Variants in CCDC38 observed in about 807,000 individuals in gnomAD.
CCDC38 encodes the protein coiled-coil domain-containing protein 38.
In CCDC38, 69 loss-of-function variants were observed where a neutral mutation model predicts 72.8. The ratio of observed to expected loss-of-function variants is 0.95; its 90% CI spans 0.78 to 1.16. The LOEUF (loss-of-function observed/expected upper bound fraction) is 1.16. CCDC38 is among the 50% of genes most tolerant of loss of function. CCDC38 has a pLI of 0.00. For synonymous variants in CCDC38, 201 were observed against 213.2 expected (o/e 0.94, Z 0.50); for missense variants, 626 against 638.9 (o/e 0.98, Z 0.22).
intron 10 of CCDC38, among the ~76,000 whole-genome samples, chr12:95,884,161 G>A (rs1265018635): frequency 1.3e-5 from 2 of 152,150 alleles, no homozygotes; most frequent in Non-Finnish European, 2.9e-5. Flanking sequence ...ATGTGCAAAT[G>A]ACATAATGGT....
At chr12:95,940,061 T>C (rs2080432514) in intron 1 of CCDC38, among the ~76,000 whole-genome samples, 1 of 152,204 alleles carries the variant, frequency 6.6e-6, no homozygotes, top group East Asian at 1.9e-4. Flanking sequence ...GCAAAGTGCC[T>C]GCTCATAGTA....
intron 5 of CCDC38, among the ~76,000 whole-genome samples, chr12:95,899,609 T>C (rs1454616388): frequency 6.6e-6 from 1 of 152,178 alleles, no homozygotes; most frequent in East Asian, 1.9e-4. Flanking sequence ...CTATTTGGGT[T>C]TTTAATACCA....
At position 95,911,182 on chromosome 12, in the gene CCDC38, C is replaced by A. The variant is rs1389950598; in HGVS notation, c.305-4731G>T. 2.6e-5 allele frequency among the ~76,000 whole-genome samples: 4 copies of A among 152,192 alleles called. No homozygotes were observed. In the South Asian group the frequency reaches 8.3e-4, roughly 32 times the overall value. ...AATGGTGCAGGGAAAACTGGCTAGCCATATGCAGAAGAATGAAACTAGATC... is the reference window on the plus strand; with the variant it reads ...AATGGTGCAGGGAAAACTGGCTAGCAATATGCAGAAGAATGAAACTAGATC... On this transcript the variant is annotated intron_variant, in intron 4 of 15. Coordinates refer to ENST00000344280, the MANE Select transcript of CCDC38 (RefSeq NM_182496.3).
intron 2 of CCDC38, chr12:95,935,498 C>G (rs1303749324): frequency 3.4e-6 from 1 of 297,634 alleles, no homozygotes; most frequent in Non-Finnish European, 7.0e-6. Context: ...ATGTGAACCT[C>G]CATATGGAAT....
intron 5 of CCDC38, among the ~76,000 whole-genome samples, chr12:95,899,878 A>G (rs1289832014): frequency 6.6e-6 from 1 of 152,070 alleles, no homozygotes; most frequent in Non-Finnish European, 1.5e-5. Flanking sequence ...ATTCTAGAAG[A>G]GGAAGGAAGC....
chr12:95,935,476 G>T (rs1401675710), intron 2 of CCDC38: 2 of 251,632 alleles, frequency 7.9e-6, no homozygotes, highest in Non-Finnish European at 1.7e-5. Flanking sequence ...GCCAGAAGGA[G>T]TTGGGCCCCT....
chr12:95,940,652 T>C (rs1013330309), intron 1 of CCDC38, among the ~76,000 whole-genome samples: 66 of 152,096 alleles, frequency 4.3e-4, no homozygotes, highest in African/African-American at 1.6e-3. Context: ...CCTTGGATGG[T>C]GTGGGGAGAT....
At chr12:95,884,876 T>A (rs769733852) in intron 10 of CCDC38, among the ~76,000 whole-genome samples, 16 of 152,296 alleles carry the variant, frequency 1.1e-4, no homozygotes, top group South Asian at 6.2e-4. Context: ...ATATATATAT[T>A]TTTTCCAGAT....
intron 7 of CCDC38, among the ~76,000 whole-genome samples, chr12:95,897,972 C>T (rs886356758): frequency 2.0e-5 from 3 of 151,812 alleles, no homozygotes; most frequent in South Asian, 2.1e-4. Context: ...GTAAGATGAT[C>T]GTAGAATGAG....
Position 95,888,536 on chromosome 12 carries a change from C to T in CCDC38, c.872-30G>A, listed in dbSNP as rs748087928. The T allele has an allele frequency of 1.1e-4, 173 of 1,609,276 alleles. No individual in the cohort carries two copies. Among genetic ancestry groups the T allele is most frequent in the East Asian group, 5.8e-4 (26 of 44,868 alleles). On this transcript the variant is annotated intron_variant, in intron 9 of 15. Coordinates refer to ENST00000344280, the MANE Select transcript of CCDC38 (RefSeq NM_182496.3). ...TCAAAATGTCCAGGTGAGGCCATGC[C>T]GTTGGTGATGGTGGAGTGAAAAGAA...
chr12:95,913,232 A>AT (rs2080113062), intron 4 of CCDC38, among the ~76,000 whole-genome samples: 1 of 152,094 alleles, frequency 6.6e-6, no homozygotes, highest in African/African-American at 2.4e-5. Context: ...CCCTCTCTCC[A>AT]TGCCTCAGCT....
Position 95,917,158 on chromosome 12 carries a change from C to T in CCDC38, c.275G>A (p.Gly92Asp). Residue 92 changes from glycine to aspartate, a missense_variant, in exon 4 of 16, where the codon GGT (glycine) becomes GAT (aspartate). Gly to Asp is a moderately conservative substitution (Grantham distance 94, BLOSUM62 -1). Coordinates refer to ENST00000344280, the MANE Select transcript of CCDC38 (RefSeq NM_182496.3). ...SGRSFEKFGP[G>D]PAPIPRLIEG... Reference sequence around the variant, plus strand: ...TATTAATCTAGGAATCGGAGCAGGACCTGGCCCAAACTTTTCAAATGACCT... The same window carrying T: ...TATTAATCTAGGAATCGGAGCAGGATCTGGCCCAAACTTTTCAAATGACCT... The T allele has an allele frequency of 6.3e-7, 1 of 1,599,442 alleles. No individual in the cohort carries two copies. Among genetic ancestry groups the T allele is most frequent in the South Asian group, 1.1e-5 (1 of 87,516 alleles).
chr12:95,875,749 G>A (rs140373112), intron 13 of CCDC38, among the ~76,000 whole-genome samples: 147 of 152,094 alleles, frequency 9.7e-4, no homozygotes, highest in African/African-American at 3.3e-3. Context: ...TCCCATTTCC[G>A]CAGAGTGCAA....
intron 2 of CCDC38, among the ~76,000 whole-genome samples, chr12:95,935,976 GC>G (rs1158793645): frequency 6.6e-6 from 1 of 152,094 alleles, no homozygotes; most frequent in Non-Finnish European, 1.5e-5. Context: ...TACTTGGGAG[GC>G]TGAGGAAGGA....
intron 2 of CCDC38, among the ~76,000 whole-genome samples, chr12:95,928,706 G>C (rs2080300940): frequency 6.6e-6 from 1 of 152,224 alleles, no homozygotes; most frequent in African/African-American, 2.4e-5. Flanking sequence ...GTGATGTACA[G>C]ATGGGTTTTT....
At chr12:95,926,354 G>T (rs1005699448) in intron 2 of CCDC38, among the ~76,000 whole-genome samples, 2 of 152,088 alleles carry the variant, frequency 1.3e-5, no homozygotes, top group African/African-American at 4.8e-5. Flanking sequence ...ATTCTCTGAT[G>T]GTAGTTTGTA....
At chr12:95,937,234 T>G (rs1592812837) in intron 1 of CCDC38, among the ~76,000 whole-genome samples, 4 of 152,220 alleles carry the variant, frequency 2.6e-5, no homozygotes, top group African/African-American at 9.6e-5. Context: ...TGTGTGACCC[T>G]GAGAGCCAGT....
chr12:95,918,533 G>A (rs568337926), intron 3 of CCDC38, among the ~76,000 whole-genome samples: 56 of 152,336 alleles, frequency 3.7e-4, no homozygotes, highest in Non-Finnish European at 7.1e-4. Flanking sequence ...GGCCAGTGAT[G>A]TATGACATCC....
At chr12:95,890,595 G>A (rs1302953737) in intron 9 of CCDC38, among the ~76,000 whole-genome samples, 1 of 152,206 alleles carries the variant, frequency 6.6e-6, no homozygotes, top group Admixed American at 6.5e-5. Context: ...GTGCTGGCCA[G>A]CCAGGGTATG....
Sources: allele counts gnomAD v4.1 joint callset (sites outside exome capture counted in the v4.1 genomes callset), GRCh38; gene constraint gnomAD v4.1.1; transcripts MANE v1.5; gene names NCBI Gene and HGNC (gene_info 2026-07-23, HGNC 2026-07-21).